The following ATP1A1 variants were observed in gnomAD, a reference collection of about 807,000 sequenced individuals.
ATP1A1 encodes sodium/potassium-transporting ATPase subunit alpha-1.
Under a neutral mutation model 114.8 loss-of-function variants are expected in ATP1A1, and 14 were observed. The observed-to-expected ratio is 0.12, with a 90% CI of 0.08 to 0.19. The LOEUF (loss-of-function observed/expected upper bound fraction) is 0.19, where lower values mean the gene tolerates loss of function less well. Among genes scored for constraint, ATP1A1 ranks in the 10% least tolerant of loss-of-function variants. The probability of loss-of-function intolerance (pLI) is 1.00; values close to 1 mark genes in which losing one functional copy is unlikely to be tolerated. For synonymous variants in ATP1A1, 471 were observed against 466.3 expected (o/e 1.01, Z -0.13); for missense variants, 524 against 1,290.7 (o/e 0.41, Z 9.10).
chr1:116,386,956 CT>C (rs2101042158), intron 3 of ATP1A1, among the ~76,000 whole-genome samples: 1 of 152,186 alleles, frequency 6.6e-6, no homozygotes, highest in Admixed American at 6.5e-5. Context: ...AAATAGATAC[CT>C]TTTTGGCAGA....
rs762223184 is a variant in ATP1A1 at position 116,398,626 on chromosome 1, T to A, written c.2130T>A (p.Ala710=). 6.2e-6 allele frequency: 10 copies of A among 1,613,820 alleles called. No individual in the cohort carries two copies. In the South Asian group the frequency reaches 1.1e-4, roughly 18 times the overall value. The change falls in exon 16 of 23, where the codon GCT becomes GCA. Residue 710 remains alanine, a synonymous_variant. Transcript: ENST00000295598. The surrounding 1 kb of genome is among the most constrained non-coding windows in gnomAD (Gnocchi z 6.1). ...IIVEGCQRQG[A]IVAVTGDGVN... ...TTTTCCCTTTTCTGGGGTAGGGTGCTATCGTGGCTGTGACTGGTGACGGTG... is the reference window on the plus strand; with the variant it reads ...TTTTCCCTTTTCTGGGGTAGGGTGCAATCGTGGCTGTGACTGGTGACGGTG...
rs940421943 is a variant in ATP1A1, at chr1:116,389,872, C to A, written c.1023+165C>A. 67 of 1,083,886 alleles carry A rather than the reference C, an allele frequency of 6.2e-5. No homozygotes were observed. Among genetic ancestry groups the A allele is most frequent in the Non-Finnish European group, 8.3e-5 (64 of 774,250 alleles). 67.1% of individuals were successfully genotyped at this position (1,083,886 alleles called of 1,614,324 possible). ...GTGGTGAATTTTGACAGTGAGAAAACCTCAGCATTTGTTTATACGTAAGAT... is the reference window on the plus strand; with the variant it reads ...GTGGTGAATTTTGACAGTGAGAAAAACTCAGCATTTGTTTATACGTAAGAT... On this transcript the variant is annotated intron_variant, in intron 8 of 22. Coordinates refer to ENST00000295598, the MANE Select transcript of ATP1A1 (RefSeq NM_000701.8). The surrounding 1 kb of genome is among the most constrained non-coding windows in gnomAD (Gnocchi z 6.9).
chr1:116,390,172 G>A (rs749930281), intron 8 of ATP1A1, 41 bp from the exon 9 acceptor site: 2 of 1,584,788 alleles, frequency 1.3e-6, no homozygotes, highest in Non-Finnish European at 1.7e-6. Flanking sequence ...TAGAATTCCA[G>A]CCTGGTTGAG....
At position 116,399,095 on chromosome 1, in the gene ATP1A1, C is replaced by G. The variant is rs751394163; in HGVS notation, c.2448+11C>G. 13 of 1,614,086 alleles carry G rather than the reference C, an allele frequency of 8.1e-6. No homozygotes were observed. Among genetic ancestry groups the G allele is most frequent in the Middle Eastern group, 1.6e-4 (1 of 6,062 alleles). On this transcript the variant is annotated intron_variant, in intron 17 of 22. Transcript: ENST00000295598. The surrounding 1 kb of genome is among the most constrained non-coding windows in gnomAD (Gnocchi z 5.0). ...TTGGGCACTGACATGGTGAGTGTCA[C>G]AACAGTCACAGATCGATAGTAGTGA...
rs548944028 is a variant in ATP1A1, at chr1:116,383,561, G to A, written c.13-453G>A. ...CCTAAGGATACACTGCTGGTAAGTG[G>A]TAAAGCCCAGGATTTTAACTCAAGG... On this transcript the variant is annotated intron_variant, in intron 1 of 22. Transcript: ENST00000295598. The A allele has an allele frequency of 3.8e-3, 703 of 184,116 alleles. 4 individuals are homozygous for A. The highest frequency in any genetic ancestry group is 6.0e-3 in the Non-Finnish European group (565 of 94,722). 11.4% of individuals were successfully genotyped at this position (184,116 alleles called of 1,614,324 possible).
intron 21 of ATP1A1, among the ~76,000 whole-genome samples, chr1:116,402,214 A>G (rs767935039): frequency 1.3e-5 from 2 of 152,164 alleles, no homozygotes; most frequent in Non-Finnish European, 2.9e-5. Flanking sequence ...ATGACTCTGC[A>G]TTTCAGATAA....
At chr1:116,390,492 TC>T in intron 9 of ATP1A1, 81 bp downstream of exon 9, 45 of 1,418,102 alleles carry the variant, frequency 3.2e-5, no homozygotes, top group Admixed American at 1.2e-4. Context: ...GCATGAAATT[TC>T]TTTTTTTTTT....
intron 1 of ATP1A1, among the ~76,000 whole-genome samples, chr1:116,374,530 C>T (rs1570937628): frequency 1.3e-5 from 2 of 152,154 alleles, no homozygotes; most frequent in East Asian, 3.9e-4. Context: ...TGGAGAGCGG[C>T]GCGGAGCGTG....
rs1432461174 is a variant in ATP1A1 at position 116,393,791 on chromosome 1, G to T, written c.1660+68G>T. ...ATCCAGTAACCTAGTCTGGTAGACA[G>T]TTAACAAGTGATCCTATGAACCTCT... On this transcript the variant is annotated intron_variant, in intron 12 of 22. Transcript: ENST00000295598. The surrounding 1 kb of genome is among the most constrained non-coding windows in gnomAD (Gnocchi z 5.0). 1 of 1,445,490 alleles carries T rather than the reference G, an allele frequency of 6.9e-7. No homozygotes were observed. The highest frequency in any genetic ancestry group is 2.2e-5 in the Admixed American group (1 of 44,622). 89.5% of individuals were successfully genotyped at this position (1,445,490 alleles called of 1,614,324 possible).
At chr1:116,378,793 T>C (rs1175750745) in intron 1 of ATP1A1, among the ~76,000 whole-genome samples, 1 of 152,178 alleles carries the variant, frequency 6.6e-6, no homozygotes, top group Non-Finnish European at 1.5e-5. Context: ...GTTGATCTGG[T>C]CCTCTCATAA....
Position 116,404,627 on chromosome 1 carries a change from T to A in ATP1A1, c.*183T>A. On this transcript the variant is annotated 3_prime_UTR_variant, in exon 23 of 23. Transcript: ENST00000295598. The surrounding 1 kb of genome is among the most constrained non-coding windows in gnomAD (Gnocchi z 4.8). Reference sequence around the variant, plus strand: ...GCTCTATGGGGGGAGGGGGGAGGGCTGCCTGAAAACCATCCATCTGTGGAA... The same window carrying A: ...GCTCTATGGGGGGAGGGGGGAGGGCAGCCTGAAAACCATCCATCTGTGGAA... 95 of 1,073,212 alleles carry A rather than the reference T, an allele frequency of 8.9e-5. No homozygotes were observed. The highest frequency in any genetic ancestry group is 3.3e-4 in the East Asian group (9 of 27,074). 66.5% of individuals were successfully genotyped at this position (1,073,212 alleles called of 1,614,324 possible).
Position 116,384,953 on chromosome 1 carries a change from C to A in ATP1A1, c.183+111C>A. 1 of 1,043,440 alleles carries A rather than the reference C, an allele frequency of 9.6e-7. No homozygotes were observed. The highest frequency in any genetic ancestry group is 1.5e-6 in the Non-Finnish European group (1 of 678,070). 64.6% of individuals were successfully genotyped at this position (1,043,440 alleles called of 1,614,324 possible). On this transcript the variant is annotated intron_variant, in intron 3 of 22. Coordinates refer to ENST00000295598, the MANE Select transcript of ATP1A1 (RefSeq NM_000701.8). The surrounding 1 kb of genome is among the most constrained non-coding windows in gnomAD (Gnocchi z 5.1). ...GGGGCTCTAGTAAGAAAATGACAGACACCATCTGCGTATCTACCATGTGAC... is the reference window on the plus strand; with the variant it reads ...GGGGCTCTAGTAAGAAAATGACAGAAACCATCTGCGTATCTACCATGTGAC...
chr1:116,404,344 G>C lies in ATP1A1; in HGVS notation c.3044-72G>C, dbSNP rs1011004736. On this transcript the variant is annotated intron_variant, in intron 22 of 22. Transcript: ENST00000295598. This position sits in a 1 kb window ranked among gnomAD's most constrained non-coding sequence, Gnocchi z 4.8. Reference sequence around the variant, plus strand: ...CATCCTCCGGTTGGTTTTCATCCCTGTTTCCCTCTGTAATGCTGGAGCGAG... The same window carrying C: ...CATCCTCCGGTTGGTTTTCATCCCTCTTTCCCTCTGTAATGCTGGAGCGAG... The C allele has an allele frequency of 3.1e-6, 5 of 1,600,268 alleles. No individual in the cohort carries two copies. In the African/African-American group the frequency reaches 6.7e-5, roughly 21 times the overall value.
In ATP1A1 at chr1:116,397,916, A is replaced by G. The variant is rs1653072925; in HGVS notation, c.2002A>G (p.Ser668Gly). 1 of 1,611,854 alleles carries G rather than the reference A, an allele frequency of 6.2e-7. No individual in the cohort carries two copies. The highest frequency in any genetic ancestry group is 8.5e-7 in the Non-Finnish European group (1 of 1,179,766). ...RDAKACVVHG[S>G]DLKDMTSEQL... Reference sequence around the variant, plus strand: ...TGCCAAGGCCTGCGTAGTACACGGCAGTGATCTAAAGGACATGACCTCCGA... The same window carrying G: ...TGCCAAGGCCTGCGTAGTACACGGCGGTGATCTAAAGGACATGACCTCCGA... Residue 668 changes from serine (S) to glycine (G), a missense_variant, in exon 15 of 23, where the codon AGT becomes GGT. Ser to Gly is a moderately conservative substitution (Grantham distance 56). Around this residue, in one of 8 missense-constraint regions of ATP1A1, gnomAD observed 47 missense variants for 79.8 expected, o/e 0.59. Coordinates refer to ENST00000295598, the MANE Select transcript of ATP1A1 (RefSeq NM_000701.8). This position sits in a 1 kb window ranked among gnomAD's most constrained non-coding sequence, Gnocchi z 4.2.
chr1:116,396,861 C>A, intron 14 of ATP1A1, 127 bp downstream of exon 14: 1 of 1,176,388 alleles, frequency 8.5e-7, no homozygotes, highest in Non-Finnish European at 1.1e-6. Context: ...ACCTGCACTG[C>A]CAGAAAGCAA....
Position 116,404,010 on chromosome 1 carries a change from G to A in ATP1A1, c.3043+35G>A. On this transcript the variant is annotated intron_variant, in intron 22 of 22. Transcript: ENST00000295598. The surrounding 1 kb of genome is among the most constrained non-coding windows in gnomAD (Gnocchi z 4.8). ...GGCATTCTGACTTTGGTTGGAGGAG[G>A]AGTGGGAGGGGCTATAGTTCTATTG... The A allele has an allele frequency of 1.3e-6, 2 of 1,587,910 alleles. No homozygotes were observed. The highest frequency in any genetic ancestry group is 8.6e-7 in the Non-Finnish European group (1 of 1,157,142).
Position 116,398,152 on chromosome 1 carries a change from C to A in ATP1A1, c.2124+114C>A, listed in dbSNP as rs1426751651. On this transcript the variant is annotated intron_variant, in intron 15 of 22. Coordinates refer to ENST00000295598, the MANE Select transcript of ATP1A1 (RefSeq NM_000701.8). This position sits in a 1 kb window ranked among gnomAD's most constrained non-coding sequence, Gnocchi z 6.1. ...GATGCATACCTCGCTGTATTAGACT[C>A]AGTATAAATAGGCCAGTAGGAAGCT... is the stretch of plus-strand genomic sequence containing the variant. 5 of 1,408,552 alleles carry A rather than the reference C, an allele frequency of 3.5e-6. No homozygotes were observed. Among genetic ancestry groups the A allele is most frequent in the African/African-American group, 2.9e-5 (2 of 69,582 alleles). 87.3% of individuals were successfully genotyped at this position (1,408,552 alleles called of 1,614,324 possible).
Position 116,373,533 on chromosome 1 carries a change from C to G in ATP1A1, c.12+10C>G. 1 of 1,448,422 alleles carries G rather than the reference C, an allele frequency of 6.9e-7. No homozygotes were observed. The highest frequency in any genetic ancestry group is 1.9e-4 in the Middle Eastern group (1 of 5,300). The allele number at this position is 1,448,422 out of a possible 1,614,324, so 89.7% of individuals were successfully genotyped here. A position where few individuals can be genotyped will look rare whatever the true frequency, so the allele number is the denominator to read the frequency against. ...CACCATGGGGAAGGGGGTGAGTGTCCGGCGCGCCCGGGGAGGGGGCTCGGG... is the reference window on the plus strand; with the variant it reads ...CACCATGGGGAAGGGGGTGAGTGTCGGGCGCGCCCGGGGAGGGGGCTCGGG... On this transcript the variant is annotated intron_variant, in intron 1 of 22. Transcript: ENST00000295598.
In ATP1A1 at chr1:116,373,839, G is replaced by T. The variant is rs1005153699; in HGVS notation, c.12+316G>T. ...GGCTCCGAGAGGCGGTGCTTGGGAAGCCTCGGGGCCGGGAGGAGGGGGCTT... is the reference window on the plus strand; with the variant it reads ...GGCTCCGAGAGGCGGTGCTTGGGAATCCTCGGGGCCGGGAGGAGGGGGCTT... On this transcript the variant is annotated intron_variant, in intron 1 of 22. Coordinates refer to ENST00000295598, the MANE Select transcript of ATP1A1 (RefSeq NM_000701.8). 9.0e-6 allele frequency: 11 copies of T among 1,218,294 alleles called. No individual in the cohort carries two copies. The African/African-American group carries it at 1.6e-4, about 18-fold the overall frequency. The allele number at this position is 1,218,294 out of a possible 1,614,324, so 75.5% of individuals were successfully genotyped here.
Sources: allele counts gnomAD v4.1 joint callset (sites outside exome capture counted in the v4.1 genomes callset), GRCh38; gene constraint gnomAD v4.1.1; regional missense constraint gnomAD v4.1.1; non-coding constraint Gnocchi (gnomAD v3.1); transcripts MANE v1.5; gene names NCBI Gene and HGNC (gene_info 2026-07-23, HGNC 2026-07-21).